Variants in ADAMTS2 observed in about 807,000 individuals in gnomAD.
ADAMTS2 encodes the protein A disintegrin and metalloproteinase with thrombospondin motifs 2.
Under a neutral mutation model 123.0 loss-of-function variants are expected in ADAMTS2, and 50 were observed. That is an observed-to-expected ratio of 0.41 (90% CI 0.32 to 0.51). The LOEUF is 0.51. Ranked by LOEUF, ADAMTS2 falls within the 20% of genes least tolerant of loss-of-function variation. ADAMTS2 has a pLI of 0.35. For synonymous variants in ADAMTS2, 678 were observed against 695.4 expected, an observed-to-expected ratio of 0.98 and a Z score of 0.39; for missense variants, 1,494 against 1,705.2, an observed-to-expected ratio of 0.88 and a Z score of 2.18.
Position 179,262,688 on chromosome 5 carries a change from C to T in ADAMTS2, c.688+10223G>A, listed in dbSNP as rs1490619509. ...ATCATCACCAACCTGGGGCGCCTCCCTCCCTTACCTGCCTTCTCACGCTGC... is the reference window on the plus strand; with the variant it reads ...ATCATCACCAACCTGGGGCGCCTCCTTCCCTTACCTGCCTTCTCACGCTGC... On this transcript the variant is annotated intron_variant, in intron 3 of 21. Coordinates refer to ENST00000251582, the MANE Select transcript of ADAMTS2 (RefSeq NM_014244.5). This position sits in a 1 kb window ranked among gnomAD's most constrained non-coding sequence, Gnocchi z 5.9. Among the ~76,000 whole-genome samples, 4 of 152,234 alleles carry T rather than the reference C, an allele frequency of 2.6e-5. No homozygotes were observed. The highest frequency in any genetic ancestry group is 9.6e-5 in the African/African-American group (4 of 41,462).
At position 179,285,654 on chromosome 5, in the gene ADAMTS2, G is replaced by A. The variant is rs1581246709; in HGVS notation, c.535-12590C>T. 1.3e-5 allele frequency among the ~76,000 whole-genome samples: 2 copies of A among 152,306 alleles called. No homozygotes were observed. Among genetic ancestry groups the A allele is most frequent in the Admixed American group, 1.3e-4 (2 of 15,300 alleles). ...GACACTCGTCCCGGCCAGATTCTCT[G>A]GCTGACATTTCCCAGGTCTCGTTCA... is the stretch of plus-strand genomic sequence containing the variant. On this transcript the variant is annotated intron_variant, in intron 2 of 21. Coordinates refer to ENST00000251582, the MANE Select transcript of ADAMTS2 (RefSeq NM_014244.5). The surrounding 1 kb of genome is among the most constrained non-coding windows in gnomAD (Gnocchi z 4.9).
chr5:179,211,255 G>T (rs1014114418), intron 3 of ADAMTS2, among the ~76,000 whole-genome samples: 1 of 152,194 alleles, frequency 6.6e-6, no homozygotes, highest in South Asian at 2.1e-4. Context: ...CACTCACCCC[G>T]CCTGGATGAG....
chr5:179,320,551 C>G (rs1757139786), intron 2 of ADAMTS2, among the ~76,000 whole-genome samples: 1 of 151,566 alleles, frequency 6.6e-6, no homozygotes, highest in Non-Finnish European at 1.5e-5. Context: ...ATCTCCTGAC[C>G]TTGTGATCCG....
Position 179,139,325 on chromosome 5 carries a change from G to A in ADAMTS2, c.1775+565C>T, listed in dbSNP as rs75987612. On this transcript the variant is annotated intron_variant, in intron 11 of 21. Coordinates refer to ENST00000251582, the MANE Select transcript of ADAMTS2 (RefSeq NM_014244.5). ...GCACGGGCCCGGGAGATATTTACGGGGTGTGTGGGGGTGAGGTGGGAGGAA... is the reference window on the plus strand; with the variant it reads ...GCACGGGCCCGGGAGATATTTACGGAGTGTGTGGGGGTGAGGTGGGAGGAA... 5.8e-3 allele frequency among the ~76,000 whole-genome samples: 889 copies of A among 152,118 alleles called. 11 individuals are homozygous for A. Among genetic ancestry groups the A allele is most frequent in the African/African-American group, 0.02 (831 of 41,504 alleles).
At position 179,114,216 on chromosome 5, in the gene ADAMTS2, T is replaced by G; in HGVS notation, c.3287A>C (p.Tyr1096Ser). The G allele has an allele frequency of 6.2e-7, 1 of 1,613,062 alleles. No homozygotes were observed. The highest frequency in any genetic ancestry group is 1.1e-5 in the South Asian group (1 of 91,046). The change falls in exon 22 of 22, where the codon TAC (tyrosine) becomes TCC (serine). Residue 1096 changes from tyrosine (Y) to serine (S), a missense_variant. Tyr to Ser is a moderately radical substitution (Grantham distance 144). Transcript: ENST00000251582. ...NKLCCKSCNL[Y>S]NNLTNVEGRI... ...GCCCTCCACGTTGGTGAGGTTGTTG[T>G]ACAGGTTACAGGACTTGCAGCACAG...
chr5:179,191,257 C>T (rs1392750353), intron 4 of ADAMTS2, among the ~76,000 whole-genome samples: 2 of 152,220 alleles, frequency 1.3e-5, no homozygotes, highest in South Asian at 2.1e-4. Flanking sequence ...CCCTGCCTCC[C>T]TGGAACTCTG....
intron 3 of ADAMTS2, among the ~76,000 whole-genome samples, chr5:179,236,160 C>T (rs1041781603): frequency 1.3e-5 from 2 of 152,224 alleles, no homozygotes; most frequent in Admixed American, 1.3e-4. Context: ...GAAGAGCTGC[C>T]TTGGGAGCAA....
intron 10 of ADAMTS2, among the ~76,000 whole-genome samples, chr5:179,144,433 G>A (rs1026378480): frequency 6.6e-6 from 1 of 152,110 alleles, no homozygotes; most frequent in African/African-American, 2.4e-5. Flanking sequence ...AAATTCATAT[G>A]GAAAGTCACA....
intron 4 of ADAMTS2, among the ~76,000 whole-genome samples, chr5:179,186,010 A>C (rs933067918): frequency 6.6e-6 from 1 of 151,988 alleles, no homozygotes; most frequent in Non-Finnish European, 1.5e-5. Context: ...TCCTCTCCCC[A>C]GGAAACCTCT....
chr5:179,236,489 T>G (rs1162809887), intron 3 of ADAMTS2, among the ~76,000 whole-genome samples: 1 of 151,694 alleles, frequency 6.6e-6, no homozygotes, highest in Non-Finnish European at 1.5e-5. Flanking sequence ...AGGCCTCTGA[T>G]AAAGAATCGT....
intron 10 of ADAMTS2, among the ~76,000 whole-genome samples, chr5:179,143,334 G>C (rs1166447746): frequency 6.6e-6 from 1 of 151,728 alleles, no homozygotes; most frequent in African/African-American, 2.4e-5. Context: ...CTCGGAGGCT[G>C]AGACAGGAGA....
At chr5:179,147,033 T>A (rs1177233430) in intron 10 of ADAMTS2, among the ~76,000 whole-genome samples, 1 of 152,202 alleles carries the variant, frequency 6.6e-6, no homozygotes, top group African/African-American at 2.4e-5. Context: ...TTAGAGCCCT[T>A]CATTTATTGT....
chr5:179,239,573 TAC>T (rs1175658469), intron 3 of ADAMTS2, among the ~76,000 whole-genome samples: 3 of 151,870 alleles, frequency 2.0e-5, no homozygotes, highest in African/African-American at 7.3e-5. Flanking sequence ...GCGTGGGCAA[TAC>T]AGAGAGCATG....
At chr5:179,161,556 C>T (rs952173910) in intron 5 of ADAMTS2, among the ~76,000 whole-genome samples, 1 of 152,138 alleles carries the variant, frequency 6.6e-6, no homozygotes, top group African/African-American at 2.4e-5. Context: ...TGGGGATTGC[C>T]AAGGCTGGTT....
chr5:179,224,467 G>A (rs956279405), intron 3 of ADAMTS2, among the ~76,000 whole-genome samples: 6 of 152,188 alleles, frequency 3.9e-5, no homozygotes, highest in African/African-American at 9.7e-5. Context: ...AGAGAGAAAC[G>A]GTCTGCATTT....
rs191479185 is a variant in ADAMTS2, at chr5:179,272,566, G to A, written c.688+345C>T. 1.6e-3 allele frequency among the ~76,000 whole-genome samples: 242 copies of A among 152,238 alleles called. No homozygotes were observed. Among genetic ancestry groups the A allele is most frequent in the African/African-American group, 5.5e-3 (227 of 41,560 alleles). On this transcript the variant is annotated intron_variant, in intron 3 of 21. Transcript: ENST00000251582. The surrounding 1 kb of genome is among the most constrained non-coding windows in gnomAD (Gnocchi z 5.8). ...GCAGGCACTGGACTCAGGCCTGGCC[G>A]GGGGCCCCCGCCCCGCTCCACGACA...
chr5:179,322,558 G>A (rs991378837), intron 2 of ADAMTS2, among the ~76,000 whole-genome samples: 10 of 152,184 alleles, frequency 6.6e-5, no homozygotes, highest in South Asian at 6.2e-4. Context: ...ACCGGGAGAC[G>A]CGAGGAGGCC....
At chr5:179,148,676 G>A (rs143716044) in intron 10 of ADAMTS2, among the ~76,000 whole-genome samples, 47 of 152,196 alleles carry the variant, frequency 3.1e-4, no homozygotes, top group African/African-American at 1.0e-3. Flanking sequence ...GGTCCTCCTC[G>A]CTCGGGCAAG....
In ADAMTS2 at chr5:179,308,653, G is replaced by A. The variant is rs1400629853; in HGVS notation, c.534+35114C>T. On this transcript the variant is annotated intron_variant, in intron 2 of 21. Coordinates refer to ENST00000251582, the MANE Select transcript of ADAMTS2 (RefSeq NM_014244.5). This position sits in a 1 kb window ranked among gnomAD's most constrained non-coding sequence, Gnocchi z 6.6. ...ATGCCCATGTGTATGTGGATTGGGG[G>A]AAATTCCCAAGGCCTCTCAGAGAAG... Among the ~76,000 whole-genome samples the A allele has an allele frequency of 6.6e-6, 1 of 152,204 alleles. No homozygotes were observed. Among genetic ancestry groups the A allele is most frequent in the African/African-American group, 2.4e-5 (1 of 41,454 alleles).
Sources: allele counts gnomAD v4.1 joint callset (sites outside exome capture counted in the v4.1 genomes callset), GRCh38; gene constraint gnomAD v4.1.1; non-coding constraint Gnocchi (gnomAD v3.1); transcripts MANE v1.5; gene names NCBI Gene and HGNC (gene_info 2026-07-23, HGNC 2026-07-21).